The following DAPK1 variants were observed in gnomAD, a reference collection of about 807,000 sequenced individuals.
The protein encoded by DAPK1 is death associated protein kinase 1.
In DAPK1, 56 loss-of-function variants were observed where a neutral mutation model predicts 144.9. That is an observed-to-expected ratio of 0.39 (90% CI 0.31 to 0.48). The LOEUF (loss-of-function observed/expected upper bound fraction) is 0.48, where lower values mean the gene tolerates loss of function less well. Among genes scored for constraint, DAPK1 ranks in the 20% least tolerant of loss-of-function variants. The pLI, the probability that DAPK1 is intolerant of heterozygous loss-of-function variation, is 0.95. For missense variants in DAPK1, 1,454 were observed against 1,875.4 expected (o/e 0.78, Z 4.15); for synonymous variants, 690 against 749.0 (o/e 0.92, Z 1.29).
chr9:87,605,224 C>A, intron 3 of DAPK1, 49 bp downstream of exon 3: 1 of 1,494,122 alleles, frequency 6.7e-7, no homozygotes, highest in Non-Finnish European at 9.3e-7. Flanking sequence ...TGGGCGTCAG[C>A]TGGCATCTTC....
At chr9:87,606,151 G>T (rs1018888915) in intron 3 of DAPK1, among the ~76,000 whole-genome samples, 5 of 152,156 alleles carry the variant, frequency 3.3e-5, no homozygotes, top group African/African-American at 1.2e-4. Flanking sequence ...AGATACCTTA[G>T]GGGTAAGAAG....
At chr9:87,698,189 CTCTT>C (rs1400975158) in intron 22 of DAPK1, among the ~76,000 whole-genome samples, 1 of 152,094 alleles carries the variant, frequency 6.6e-6, no homozygotes, top group South Asian at 2.1e-4. Flanking sequence ...CCAGTTTTGC[CTCTT>C]TCTTTGTCCT....
At chr9:87,588,143 A>G (rs1288780921) in intron 2 of DAPK1, among the ~76,000 whole-genome samples, 1 of 152,252 alleles carries the variant, frequency 6.6e-6, no homozygotes, top group Admixed American at 6.5e-5. Context: ...TCCAAAGTGC[A>G]TAAGTCATAA....
At chr9:87,539,874 A>T (rs77992676) in intron 2 of DAPK1, among the ~76,000 whole-genome samples, 18,070 of 152,002 alleles carry the variant, frequency 0.12, 1,374 homozygotes, top group Admixed American at 0.16. Context: ...CCCTCTGCGT[A>T]TCAATAATTG....
At chr9:87,622,356 T>A (rs1363401175) in intron 3 of DAPK1, among the ~76,000 whole-genome samples, 2 of 152,094 alleles carry the variant, frequency 1.3e-5, no homozygotes, top group Non-Finnish European at 2.9e-5. Context: ...AGTGTCACCC[T>A]GCTGCCTGAG....
chr9:87,640,309 C>T lies in DAPK1; in HGVS notation c.641C>T (p.Ala214Val). Reference sequence around the variant, plus strand: ...TTTATTTTTAACAGCCTAAGTGGGGCCTCCCCATTTCTTGGAGACACTAAG... The same window carrying T: ...TTTATTTTTAACAGCCTAAGTGGGGTCTCCCCATTTCTTGGAGACACTAAG... ...GVITYILLSG[A>V]SPFLGDTKQE... Residue 214 changes from alanine (A) to valine (V), a missense_variant, in exon 8 of 26, where the codon GCC becomes GTC. Physicochemically the swap from Ala to Val is moderately conservative, Grantham distance 64. Transcript: ENST00000408954. 2 of 1,613,458 alleles carry T rather than the reference C, an allele frequency of 1.2e-6. No individual in the cohort carries two copies. Among genetic ancestry groups the T allele is most frequent in the Non-Finnish European group, 1.7e-6 (2 of 1,179,698 alleles).
At chr9:87,654,675 T>C (rs955516740) in intron 17 of DAPK1, among the ~76,000 whole-genome samples, 3 of 152,210 alleles carry the variant, frequency 2.0e-5, no homozygotes, top group Non-Finnish European at 4.4e-5. Flanking sequence ...CATCTAGGAT[T>C]CTTTAAATGA....
At chr9:87,616,055 G>A (rs894249732) in intron 3 of DAPK1, among the ~76,000 whole-genome samples, 1 of 152,238 alleles carries the variant, frequency 6.6e-6, no homozygotes, top group Admixed American at 6.5e-5. Flanking sequence ...CCATTTGAAA[G>A]CAGTGATTTA....
At chr9:87,649,309 A>G (rs1830367062) in intron 15 of DAPK1, among the ~76,000 whole-genome samples, 2 of 152,176 alleles carry the variant, frequency 1.3e-5, no homozygotes, top group South Asian at 2.1e-4. Context: ...ATCGGTGCAT[A>G]TATGTATCTA....
chr9:87,507,403 C>G (rs2118061290), intron 2 of DAPK1, among the ~76,000 whole-genome samples: 1 of 152,278 alleles, frequency 6.6e-6, no homozygotes, highest in Middle Eastern at 3.4e-3. Context: ...GAGGATTTCT[C>G]CATGTTAGTC....
intron 2 of DAPK1, among the ~76,000 whole-genome samples, chr9:87,523,248 G>T (rs975285794): frequency 5.9e-5 from 9 of 152,100 alleles, no homozygotes; most frequent in African/African-American, 1.7e-4. Context: ...TATCAAATTC[G>T]TTTAATCTTT....
In DAPK1 at chr9:87,604,935, C is replaced by A; in HGVS notation, c.63-19C>A. ...TTTTTTTTATGAACGATAAAGAATC[C>A]TCCATCTTCTCTTTTCAGTGGACAG... On this transcript the variant is annotated intron_variant, in intron 2 of 25. Transcript: ENST00000408954. 6.2e-7 allele frequency: 1 copy of A among 1,608,806 alleles called. No homozygotes were observed. The highest frequency in any genetic ancestry group is 8.5e-7 in the Non-Finnish European group (1 of 1,175,550).
chr9:87,554,659 T>C (rs767483635), intron 2 of DAPK1, among the ~76,000 whole-genome samples: 27 of 152,170 alleles, frequency 1.8e-4, no homozygotes, highest in Non-Finnish European at 3.7e-4. Context: ...TAGTTGCTCC[T>C]ATAGTCAGGA....
At chr9:87,592,713 TG>T (rs1040092377) in intron 2 of DAPK1, among the ~76,000 whole-genome samples, 4 of 152,120 alleles carry the variant, frequency 2.6e-5, no homozygotes, top group Non-Finnish European at 5.9e-5. Context: ...GTCAGCCTCG[TG>T]GCTGACTTCC....
At chr9:87,536,232 G>A (rs1441897850) in intron 2 of DAPK1, among the ~76,000 whole-genome samples, 1 of 152,128 alleles carries the variant, frequency 6.6e-6, no homozygotes, top group Non-Finnish European at 1.5e-5. Flanking sequence ...GAGATGTCTG[G>A]GTTTTCTGGT....
chr9:87,651,463 G>A (rs1387878259), intron 16 of DAPK1, 64 bp from the exon 17 acceptor site: 7 of 1,515,846 alleles, frequency 4.6e-6, no homozygotes, highest in Non-Finnish European at 4.6e-6. Context: ...GGCAGAAAAG[G>A]TGAAGAGACG....
At chr9:87,647,180 C>T (rs934851230) in intron 13 of DAPK1, 125 bp from the exon 14 acceptor site, 41 of 771,362 alleles carry the variant, frequency 5.3e-5, no homozygotes, top group Admixed American at 1.9e-5. Flanking sequence ...TTTTATTCCT[C>T]TGGGAAGTTG....
At chr9:87,621,451 G>A (rs922523833) in intron 3 of DAPK1, among the ~76,000 whole-genome samples, 4 of 152,180 alleles carry the variant, frequency 2.6e-5, no homozygotes, top group East Asian at 1.9e-4. Context: ...CATTCCTGTA[G>A]CCATCTGCAG....
In DAPK1 at chr9:87,698,847, A is replaced by T. The variant is rs1175049656; in HGVS notation, c.2750+53A>T. Reference sequence around the variant, plus strand: ...TCACGGGTAGCCTCCTCTCCCTGAGAACTGAAGCAGAGGTGTGAAAAGTAC... The same window carrying T: ...TCACGGGTAGCCTCCTCTCCCTGAGTACTGAAGCAGAGGTGTGAAAAGTAC... On this transcript the variant is annotated intron_variant, in intron 23 of 25. Transcript: ENST00000408954. The T allele has an allele frequency of 9.5e-6, 11 of 1,156,548 alleles. No homozygotes were observed. The East Asian group carries it at 2.6e-4, about 27-fold the overall frequency. 71.6% of individuals were successfully genotyped at this position (1,156,548 alleles called of 1,614,324 possible).
Sources: gnomAD v4.1 joint callset for allele counts (sites outside exome capture counted in the v4.1 genomes callset) on GRCh38, gnomAD v4.1.1 for gene constraint, MANE v1.5 for transcripts, NCBI Gene and HGNC (gene_info 2026-07-23, HGNC 2026-07-21) for gene names.